CCSER1: variants seen among roughly 807,000 people sequenced by gnomAD.
CCSER1 encodes the protein coiled-coil serine rich protein 1.
CCSER1 carries 41 observed loss-of-function variants against 82.0 expected under a neutral mutation model. The observed-to-expected ratio is 0.50, with a 90% CI of 0.39 to 0.65. CCSER1 has a LOEUF of 0.65. Ranked by LOEUF, CCSER1 falls within the 30% of genes least tolerant of loss-of-function variation. CCSER1 has a pLI of 0.00. For missense variants in CCSER1, 1,119 were observed against 1,064.2 expected, an observed-to-expected ratio of 1.05 and a Z score of -0.72; for synonymous variants, 414 against 383.9, an observed-to-expected ratio of 1.08 and a Z score of -0.92.
intron 10 of CCSER1, among the ~76,000 whole-genome samples, chr4:91,566,827 T>G (rs1762906390): frequency 6.6e-6 from 1 of 152,106 alleles, no homozygotes; most frequent in South Asian, 2.1e-4. Context: ...TATTAACTTT[T>G]CAAAAAACCA....
intron 10 of CCSER1, among the ~76,000 whole-genome samples, chr4:91,102,734 A>C (rs1025591809): frequency 1.3e-5 from 2 of 152,212 alleles, no homozygotes; most frequent in Non-Finnish European, 2.9e-5. Flanking sequence ...GCAACTGATC[A>C]TGTAATTATT....
At chr4:90,913,916 A>G (rs181498584) in intron 8 of CCSER1, among the ~76,000 whole-genome samples, 10 of 152,338 alleles carry the variant, frequency 6.6e-5, no homozygotes, top group African/African-American at 2.4e-4. Context: ...CATAATGGTA[A>G]AGGGATCAAT....
chr4:90,263,886 G>A (rs1253501519), intron 1 of CCSER1, among the ~76,000 whole-genome samples: 1 of 152,032 alleles, frequency 6.6e-6, no homozygotes, highest in Non-Finnish European at 1.5e-5. Flanking sequence ...CTCCCCTCTG[G>A]AACATTACCC....
intron 10 of CCSER1, among the ~76,000 whole-genome samples, chr4:91,529,734 G>GTCTTTGATTTGTTTTGA (rs1321053655): frequency 1.3e-5 from 2 of 152,064 alleles, no homozygotes; most frequent in African/African-American, 4.8e-5. Flanking sequence ...TTCTCAGGAA[G>GTCTTTGATTTGTTTTGA]TCTTTGATTT....
At chr4:91,069,604 T>A (rs1395054557) in intron 9 of CCSER1, among the ~76,000 whole-genome samples, 3 of 152,178 alleles carry the variant, frequency 2.0e-5, no homozygotes, top group Non-Finnish European at 4.4e-5. Flanking sequence ...GAATAGTCAG[T>A]ACACAAAATA....
intron 10 of CCSER1, among the ~76,000 whole-genome samples, chr4:91,225,363 AT>A (rs1738104306): frequency 1.3e-5 from 1 of 74,666 alleles, no homozygotes; most frequent in Admixed American, 1.5e-4. Context: ...TATATATATT[AT>A]ATATGTAATA....
At chr4:91,088,889 T>G (rs940663322) in intron 10 of CCSER1, among the ~76,000 whole-genome samples, 4 of 152,152 alleles carry the variant, frequency 2.6e-5, no homozygotes, top group Non-Finnish European at 5.9e-5. Flanking sequence ...TAATACTAAG[T>G]TACTGTAATT....
intron 5 of CCSER1, among the ~76,000 whole-genome samples, chr4:90,544,346 A>G (rs564598641): frequency 7.9e-5 from 12 of 152,236 alleles, no homozygotes; most frequent in African/African-American, 2.9e-4. Flanking sequence ...AAGCTGTTAT[A>G]TGCGTGGTTA....
chr4:90,448,258 A>G (rs562781067), intron 4 of CCSER1, among the ~76,000 whole-genome samples: 1 of 151,730 alleles, frequency 6.6e-6, no homozygotes, highest in Non-Finnish European at 1.5e-5. Context: ...CCATGATTTT[A>G]TCTTATGTTT....
chr4:91,378,456 A>C (rs978494174), intron 10 of CCSER1, among the ~76,000 whole-genome samples: 2 of 152,166 alleles, frequency 1.3e-5, no homozygotes, highest in African/African-American at 4.8e-5. Flanking sequence ...TCCTTGAAGA[A>C]GTCCTTCACA....
intron 1 of CCSER1, among the ~76,000 whole-genome samples, chr4:90,272,421 G>A (rs113619877): frequency 0.02 from 3,073 of 152,196 alleles, 40 homozygotes; most frequent in Non-Finnish European, 0.029. Flanking sequence ...ATGCAGACAA[G>A]GATGTGGAGA....
At chr4:90,478,635 T>C (rs1297228583) in intron 5 of CCSER1, among the ~76,000 whole-genome samples, 1 of 152,048 alleles carries the variant, frequency 6.6e-6, no homozygotes, top group African/African-American at 2.4e-5. Flanking sequence ...TGTTATTATC[T>C]GCAAGCTACA....
At chr4:90,617,698 T>C (rs1268737806) in intron 5 of CCSER1, among the ~76,000 whole-genome samples, 1 of 152,164 alleles carries the variant, frequency 6.6e-6, no homozygotes, top group African/African-American at 2.4e-5. Context: ...TATTTGTCTA[T>C]GTTGGTGCTA....
intron 6 of CCSER1, among the ~76,000 whole-genome samples, chr4:90,685,699 A>G (rs542272730): frequency 1.3e-5 from 2 of 152,270 alleles, no homozygotes; most frequent in African/African-American, 2.4e-5. Flanking sequence ...TCTCTGCCCA[A>G]CTTTTGGTAA....
intron 1 of CCSER1, among the ~76,000 whole-genome samples, chr4:90,227,893 C>T (rs1743521926): frequency 6.6e-6 from 1 of 152,218 alleles, no homozygotes; most frequent in South Asian, 2.1e-4. Context: ...TCACTTCCAC[C>T]CGAATACAGC....
chr4:90,303,893 A>T (rs1279226498), intron 1 of CCSER1, among the ~76,000 whole-genome samples: 1 of 151,776 alleles, frequency 6.6e-6, no homozygotes, highest in Non-Finnish European at 1.5e-5. Flanking sequence ...AATTTTCGCA[A>T]CCTACTCATC....
chr4:91,201,875 A>T (rs938139304), intron 10 of CCSER1, among the ~76,000 whole-genome samples: 2 of 152,084 alleles, frequency 1.3e-5, no homozygotes, highest in Admixed American at 1.3e-4. Flanking sequence ...TATAAAAACA[A>T]TAAGGAGCCA....
chr4:90,454,051 G>T (rs1036623659), intron 4 of CCSER1, among the ~76,000 whole-genome samples: 2 of 152,060 alleles, frequency 1.3e-5, no homozygotes, highest in South Asian at 4.2e-4. Context: ...TCCCTCCAGT[G>T]GTCTCCATTA....
chr4:90,404,968 C>G (rs1390453985), intron 4 of CCSER1, among the ~76,000 whole-genome samples: 1 of 151,992 alleles, frequency 6.6e-6, no homozygotes, highest in African/African-American at 2.4e-5. Context: ...TTAACGTTCC[C>G]AAAAGACCAT....
Sources: gnomAD v4.1 joint callset for allele counts (sites outside exome capture counted in the v4.1 genomes callset) on GRCh38, gnomAD v4.1.1 for gene constraint, MANE v1.5 for transcripts, NCBI Gene and HGNC (gene_info 2026-07-23, HGNC 2026-07-21) for gene names.